Variants in TBC1D8 observed in about 807,000 individuals in gnomAD.
TBC1D8 encodes the protein BUB2-like protein 1.
Under a neutral mutation model 118.8 loss-of-function variants are expected in TBC1D8, and 65 were observed. The observed-to-expected ratio is 0.55, with a 90% confidence interval of 0.45 to 0.67. The LOEUF (loss-of-function observed/expected upper bound fraction) is 0.67, where lower values mean the gene tolerates loss of function less well. Among genes scored for constraint, TBC1D8 ranks in the 30% least tolerant of loss-of-function variants. The pLI, the probability that TBC1D8 is intolerant of heterozygous loss-of-function variation, is 0.00. For synonymous variants in TBC1D8, 566 were observed against 595.8 expected (o/e 0.95, Z 0.73); for missense variants, 1,376 against 1,471.2 (o/e 0.94, Z 1.06).
At chr2:101,072,524 G>T (rs1314295893) in intron 2 of TBC1D8, among the ~76,000 whole-genome samples, 2 of 152,218 alleles carry the variant, frequency 1.3e-5, no homozygotes, top group African/African-American at 4.8e-5. Flanking sequence ...TGGCACCAGA[G>T]ACCAATTTTG....
intron 1 of TBC1D8, among the ~76,000 whole-genome samples, chr2:101,140,385 T>C (rs1233819147): frequency 6.6e-6 from 1 of 152,148 alleles, no homozygotes; most frequent in African/African-American, 2.4e-5. Context: ...CCACGCATGC[T>C]AGACATTTTG....
At chr2:101,088,672 G>A (rs1249954067) in intron 2 of TBC1D8, among the ~76,000 whole-genome samples, 1 of 152,046 alleles carries the variant, frequency 6.6e-6, no homozygotes, top group Non-Finnish European at 1.5e-5. Context: ...CTCGAACTCG[G>A]GTTCAAGTGA....
At chr2:101,015,970 C>T (rs1358745643) in intron 17 of TBC1D8, among the ~76,000 whole-genome samples, 2 of 151,708 alleles carry the variant, frequency 1.3e-5, no homozygotes, top group Admixed American at 6.6e-5. Flanking sequence ...CATAAAAACC[C>T]TAGAAGAAAA....
intron 8 of TBC1D8, 107 bp downstream of exon 8, chr2:101,037,424 CT>C (rs1424389643): frequency 1.9e-5 from 28 of 1,473,790 alleles, no homozygotes; most frequent in Non-Finnish European, 2.5e-5. Flanking sequence ...GGAGCGTTAG[CT>C]TCCCAAAGTC....
intron 19 of TBC1D8, among the ~76,000 whole-genome samples, chr2:101,008,753 G>T (rs999667504): frequency 3.3e-5 from 5 of 151,794 alleles, no homozygotes; most frequent in African/African-American, 1.2e-4. Flanking sequence ...CAAAGGTTGT[G>T]GTAGTCAAGA....
intron 1 of TBC1D8, among the ~76,000 whole-genome samples, chr2:101,131,462 C>T (rs1678587907): frequency 6.6e-6 from 1 of 151,282 alleles, no homozygotes; most frequent in Non-Finnish European, 1.5e-5. Flanking sequence ...TTGCAGTGAG[C>T]CCAGTGCGCT....
chr2:101,149,942 T>C (rs1281141131), intron 1 of TBC1D8, among the ~76,000 whole-genome samples: 1 of 152,184 alleles, frequency 6.6e-6, no homozygotes, highest in Admixed American at 6.5e-5. Context: ...GAATCCTAAC[T>C]ACACTCTGCC....
At chr2:101,042,491 C>T (rs1422008239) in intron 5 of TBC1D8, among the ~76,000 whole-genome samples, 1 of 152,118 alleles carries the variant, frequency 6.6e-6, no homozygotes, top group Non-Finnish European at 1.5e-5. Context: ...TTGATTGCTA[C>T]AAAATGGGAA....
chr2:101,008,324 A>ATTTT, intron 19 of TBC1D8, 51 bp from the exon 20 acceptor site: 1 of 1,188,046 alleles, frequency 8.4e-7, no homozygotes, highest in Non-Finnish European at 1.1e-6. Flanking sequence ...TGGAAGTGTC[A>ATTTT]TTTTTTTTTT....
chr2:101,032,555 C>T (rs1680734382), intron 10 of TBC1D8, 170 bp from the exon 11 acceptor site: 1 of 575,670 alleles, frequency 1.7e-6, no homozygotes, highest in East Asian at 2.9e-5. Context: ...GACAGCAACA[C>T]AGTCCTCACA....
At chr2:101,086,845 G>A (rs1325731034) in intron 2 of TBC1D8, among the ~76,000 whole-genome samples, 1 of 152,158 alleles carries the variant, frequency 6.6e-6, no homozygotes, top group Non-Finnish European at 1.5e-5. Flanking sequence ...GAGTGTAATG[G>A]CATGATCTCG....
At chr2:101,022,017 A>G (rs550460024) in intron 16 of TBC1D8, among the ~76,000 whole-genome samples, 1 of 152,210 alleles carries the variant, frequency 6.6e-6, no homozygotes, top group South Asian at 2.1e-4. Context: ...GGCTCCCAAC[A>G]AGCCACCACC....
Position 101,028,361 on chromosome 2 carries a change from T to C in TBC1D8, c.2294A>G (p.Asp765Gly), listed in dbSNP as rs1185555316. ...AGTCACAGGGTAGGGCTCCTGGTCG[T>C]CGGAGAAAAAGGCATGGTGGCTGCC... Reference protein sequence around the residue: ...PVGSHHAFFSDDQEPYPVTDI... With the variant: ...PVGSHHAFFSGDQEPYPVTDI... The change falls in exon 13 of 20, where the codon GAC becomes GGC. Residue 765 changes from aspartate to glycine, a missense_variant. Transcript: ENST00000409318. 6.2e-7 allele frequency: 1 copy of C among 1,612,130 alleles called. No individual in the cohort carries two copies.
At chr2:101,136,211 ATGG>A (rs1678849744) in intron 1 of TBC1D8, among the ~76,000 whole-genome samples, 1 of 151,408 alleles carries the variant, frequency 6.6e-6, no homozygotes, top group South Asian at 2.1e-4. Flanking sequence ...TGTTTGGGCC[ATGG>A]GGGTGGATCC....
chr2:101,065,960 G>C (rs1682989775), intron 2 of TBC1D8, among the ~76,000 whole-genome samples: 1 of 152,098 alleles, frequency 6.6e-6, no homozygotes, highest in Admixed American at 6.6e-5. Context: ...AATAGAATCA[G>C]TAGACCAAGA....
At chr2:101,068,954 C>A (rs937885307) in intron 2 of TBC1D8, among the ~76,000 whole-genome samples, 1 of 150,616 alleles carries the variant, frequency 6.6e-6, no homozygotes, top group Non-Finnish European at 1.5e-5. Flanking sequence ...CAGCAGAGAT[C>A]GCGCCACTGC....
chr2:101,038,914 G>A (rs1340434792), intron 6 of TBC1D8, among the ~76,000 whole-genome samples: 3 of 152,166 alleles, frequency 2.0e-5, no homozygotes, highest in Non-Finnish European at 2.9e-5. Context: ...AGGGGAATTC[G>A]GACAGAGGCT....
intron 16 of TBC1D8, 67 bp downstream of exon 16, chr2:101,022,214 C>G: frequency 6.2e-7 from 1 of 1,603,590 alleles, no homozygotes; most frequent in Non-Finnish European, 8.5e-7. Flanking sequence ...TCCGAAGATC[C>G]ACTTTGTGTT....
At position 101,007,793 on chromosome 2, in the gene TBC1D8, T is replaced by C; in HGVS notation, c.*28A>G. 1 of 1,601,418 alleles carries C rather than the reference T, an allele frequency of 6.2e-7. No individual in the cohort carries two copies. Among genetic ancestry groups the C allele is most frequent in the Non-Finnish European group, 8.5e-7 (1 of 1,171,592 alleles). ...TGGTTCGTGCTTTGGTATGGTGGACTCCAGTGTGCATAGCAGCTGCTGTCT... is the reference window on the plus strand; with the variant it reads ...TGGTTCGTGCTTTGGTATGGTGGACCCCAGTGTGCATAGCAGCTGCTGTCT... On this transcript the variant is annotated 3_prime_UTR_variant, in exon 20 of 20. Coordinates refer to ENST00000409318, the MANE Select transcript of TBC1D8 (RefSeq NM_001330348.2).
Sources: allele counts gnomAD v4.1 joint callset (sites outside exome capture counted in the v4.1 genomes callset), GRCh38; gene constraint gnomAD v4.1.1; transcripts MANE v1.5; gene names NCBI Gene and HGNC (gene_info 2026-07-23, HGNC 2026-07-21).